FAM83E: variants seen among roughly 807,000 people sequenced by gnomAD.
FAM83E encodes protein FAM83E.
In FAM83E, 29 loss-of-function variants were observed where a neutral mutation model predicts 34.3. The ratio of observed to expected loss-of-function variants is 0.85; its 90% CI spans 0.63 to 1.15. FAM83E has a LOEUF of 1.15. Among genes scored for constraint, FAM83E ranks in the 50% most tolerant of loss-of-function variants. The pLI is 0.00. For missense variants in FAM83E, 697 were observed against 685.0 expected (o/e 1.02, Z -0.20); for synonymous variants, 312 against 311.6 (o/e 1.00, Z -0.01).
intron 6 of FAM83E, among the ~76,000 whole-genome samples, chr19:48,602,825 TTTATTATTA>T (rs201384936): frequency 0.011 from 1,308 of 113,944 alleles, 20 homozygotes; most frequent in South Asian, 0.018. Context: ...TTATTTATTG[TTTATTATTA>T]TTATTATTAT....
rs769617636 is a variant in FAM83E, at chr19:48,603,659, G to A, written c.1011C>T (p.Ala337=). 1.8e-5 allele frequency: 23 copies of A among 1,312,722 alleles called. No homozygotes were observed. Among genetic ancestry groups the A allele is most frequent in the East Asian group, 6.0e-5 (2 of 33,206 alleles). The allele number at this position is 1,312,722 out of a possible 1,614,324, so 81.3% of individuals were successfully genotyped here. A position where few individuals can be genotyped will look rare whatever the true frequency, so the allele number is the denominator to read the frequency against. The part of the protein sequence containing the change: ...PPDGPLAHRL[A]ACRVSPATPG... ...GGGTAGCAGGGGAGACGCGGCAGGC[G>A]GCCAGGCGGTGGGCCAGCGGGCCGT... The change falls in exon 6 of 7, where the codon GCC becomes GCT. Residue 337 remains alanine (A), a synonymous_variant. Transcript: ENST00000263266.
chr19:48,608,313 A>G (rs1401674051), intron 5 of FAM83E, among the ~76,000 whole-genome samples: 2 of 150,280 alleles, frequency 1.3e-5, no homozygotes, highest in African/African-American at 2.5e-5. Flanking sequence ...GGGTCCTGCT[A>G]TGTTGCCCAG....
chr19:48,613,213 C>A lies in FAM83E; in HGVS notation c.160G>T (p.Glu54Ter), dbSNP rs1292088606. 1.2e-6 allele frequency: 2 copies of A among 1,611,048 alleles called. No homozygotes were observed. Among genetic ancestry groups the A allele is most frequent in the Non-Finnish European group, 1.7e-6 (2 of 1,179,936 alleles). The change falls in exon 3 of 7, where the codon GAG becomes TAG. Residue 54 changes from glutamate to a stop codon, truncating the protein, a stop_gained. Coordinates refer to ENST00000263266, the MANE Select transcript of FAM83E (RefSeq NM_017708.4). LOFTEE classifies it high-confidence loss of function. Reference protein sequence around the residue: ...EAFQTCVQREELWPFLSADEV... With the variant: ...EAFQTCVQRE ...TCCGCACTGAGGAAGGGCCACAGCT[C>A]CTCGCGCTGCACGCAGGTCTGGAAC...
rs1461172374 is a variant in FAM83E, at chr19:48,603,838, T to C, written c.832A>G (p.Ser278Gly). Residue 278 changes from serine to glycine, a missense_variant, in exon 6 of 7, where the codon AGC becomes GGC. Coordinates refer to ENST00000263266, the MANE Select transcript of FAM83E (RefSeq NM_017708.4). ...GCGTACAGCGTCCGGAACTCAAGGCTGAAGGCGTCAACAATTTCACCAGTC... is the reference window on the plus strand; with the variant it reads ...GCGTACAGCGTCCGGAACTCAAGGCCGAAGGCGTCAACAATTTCACCAGTC... ...LLTGEIVDAF[S>G]LEFRTLYAAS... is the part of the protein sequence containing the mutation. The C allele has an allele frequency of 6.2e-7, 1 of 1,609,060 alleles. No homozygotes were observed.
At chr19:48,609,729 C>T (rs1404884877) in intron 5 of FAM83E, 147 bp downstream of exon 5, 3 of 916,094 alleles carry the variant, frequency 3.3e-6, no homozygotes, top group African/African-American at 1.6e-5. Flanking sequence ...CGGCACCAAC[C>T]TCCTCCGCAG....
At position 48,603,731 on chromosome 19, in the gene FAM83E, G is replaced by A. The variant is rs776785961; in HGVS notation, c.939C>T (p.Arg313=). The change falls in exon 6 of 7, where the codon CGC becomes CGT. Residue 313 remains arginine, a synonymous_variant. Transcript: ENST00000263266. Reference sequence around the variant, plus strand: ...GGGCCACGGAGCGGCGGCGGGACACGCGGTGCGGGCTGCGGCCCCGCTGCA... The same window carrying A: ...GGGCCACGGAGCGGCGGCGGGACACACGGTGCGGGCTGCGGCCCCGCTGCA... ...GGLQRGRSPH[R]VSRRRSVAPA... The A allele has an allele frequency of 3.3e-5, 49 of 1,487,144 alleles. No homozygotes were observed. Among genetic ancestry groups the A allele is most frequent in the Middle Eastern group, 2.3e-4 (1 of 4,326 alleles). 92.1% of individuals were successfully genotyped at this position (1,487,144 alleles called of 1,614,324 possible).
In FAM83E at chr19:48,613,850, C is replaced by G. The variant is rs1211205781; in HGVS notation, c.-478G>C. The G allele has an allele frequency of 1.0e-6, 1 of 985,302 alleles. No individual in the cohort carries two copies. The highest frequency in any genetic ancestry group is 6.1e-5 in the Admixed American group (1 of 16,262). 61.0% of individuals were successfully genotyped at this position (985,302 alleles called of 1,614,324 possible). A position where few individuals can be genotyped will look rare whatever the true frequency, so the allele number is the denominator to read the frequency against. ...TGACCACTTGATCATTTCCAGGCGG[C>G]AAGCTGCCTGCCTGTCTCTAATCAC... On this transcript the variant is annotated 5_prime_UTR_variant, in exon 3 of 7. Coordinates refer to ENST00000263266, the MANE Select transcript of FAM83E (RefSeq NM_017708.4).
At chr19:48,608,133 A>T (rs1973969582) in intron 5 of FAM83E, among the ~76,000 whole-genome samples, 1 of 151,790 alleles carries the variant, frequency 6.6e-6, no homozygotes, top group Non-Finnish European at 1.5e-5. Flanking sequence ...TTTTTGAAAC[A>T]GGGTTTTGCT....
intron 3 of FAM83E, 22 bp downstream of exon 3, chr19:48,612,886 A>G: frequency 6.6e-7 from 1 of 1,509,418 alleles, no homozygotes; most frequent in Non-Finnish European, 8.9e-7. Flanking sequence ...GTGAATGGAC[A>G]CAGGGCCCCC....
Position 48,613,982 on chromosome 19 carries a change from T to C in FAM83E, c.-610A>G, listed in dbSNP as rs1357221949. 1.0e-6 allele frequency: 1 copy of C among 985,306 alleles called. No homozygotes were observed. Among genetic ancestry groups the C allele is most frequent in the East Asian group, 1.1e-4 (1 of 8,818 alleles). 61.0% of individuals were successfully genotyped at this position (985,306 alleles called of 1,614,324 possible). ...CTGGCAAACGCCAATGGCTTCCGAC[T>C]GACAGTCACAGTATCTGCCTGTTGG... On this transcript the variant is annotated 5_prime_UTR_variant, in exon 3 of 7. Transcript: ENST00000263266.
At chr19:48,607,110 C>T (rs745713543) in intron 5 of FAM83E, 20 of 1,613,060 alleles carry the variant, frequency 1.2e-5, no homozygotes, top group South Asian at 5.5e-5. Context: ...GTGGCGATGA[C>T]GAGGACTGCT....
At position 48,613,374 on chromosome 19, in the gene FAM83E, G is replaced by A. The variant is rs756307968; in HGVS notation, c.-2C>T. 3.1e-5 allele frequency: 48 copies of A among 1,543,860 alleles called. No individual in the cohort carries two copies. The South Asian group carries it at 4.1e-4, about 13-fold the overall frequency. ...CGCCGCCAGCTGGGAGGCCGCCATCGGGGTCACTCGGGTGGGAGGACTGAC... is the reference window on the plus strand; with the variant it reads ...CGCCGCCAGCTGGGAGGCCGCCATCAGGGTCACTCGGGTGGGAGGACTGAC... On this transcript the variant is annotated 5_prime_UTR_variant, in exon 3 of 7. Coordinates refer to ENST00000263266, the MANE Select transcript of FAM83E (RefSeq NM_017708.4).
chr19:48,609,850 G>C (rs1174723467), intron 5 of FAM83E, 26 bp downstream of exon 5: 2 of 1,610,288 alleles, frequency 1.2e-6, no homozygotes, highest in Non-Finnish European at 1.7e-6. Flanking sequence ...GACGCCGGGA[G>C]GTGGGGGGCG....
rs1974112005 is a variant in FAM83E, at chr19:48,614,645, G to C, written c.-1255-18C>G. On this transcript the variant is annotated intron_variant, in intron 2 of 6. Coordinates refer to ENST00000263266, the MANE Select transcript of FAM83E (RefSeq NM_017708.4). ...GCAGGGAGCTGCAAAGAGAAGAAAG[G>C]AGTCAAGGCAGGCCAGCCTCCCCGC... 3 of 983,576 alleles carry C rather than the reference G, an allele frequency of 3.1e-6. No individual in the cohort carries two copies. The highest frequency in any genetic ancestry group is 3.5e-5 in the African/African-American group (2 of 57,356). The allele number at this position is 983,576 out of a possible 1,614,324, so 60.9% of individuals were successfully genotyped here.
chr19:48,612,664 A>C (rs1321469002), intron 3 of FAM83E, among the ~76,000 whole-genome samples: 2 of 81,370 alleles, frequency 2.5e-5, no homozygotes, highest in African/African-American at 1.0e-4. Flanking sequence ...GGCCTCCCAA[A>C]GTGCTGGAAT....
chr19:48,609,819 C>G, intron 5 of FAM83E, 57 bp downstream of exon 5: 1 of 1,579,516 alleles, frequency 6.3e-7, no homozygotes, highest in Non-Finnish European at 8.7e-7. Flanking sequence ...TCTGAGCACA[C>G]TGAGGGAAAG....
chr19:48,600,015 A>G lies in FAM83E; in HGVS notation c.*1094T>C, dbSNP rs1973786453. 6.6e-6 allele frequency among the ~76,000 whole-genome samples: 1 copy of G among 152,028 alleles called. No homozygotes were observed. Among genetic ancestry groups the G allele is most frequent in the African/African-American group, 2.4e-5 (1 of 41,386 alleles). Reference sequence around the variant, plus strand: ...CAGAGGTAAACGGGAGCTCCGGCAGACCCGCCCTCTCAGCGCCCACAGAAA... The same window carrying G: ...CAGAGGTAAACGGGAGCTCCGGCAGGCCCGCCCTCTCAGCGCCCACAGAAA... On this transcript the variant is annotated 3_prime_UTR_variant, in exon 7 of 7. Coordinates refer to ENST00000263266, the MANE Select transcript of FAM83E (RefSeq NM_017708.4).
In FAM83E at chr19:48,613,895, C is replaced by T. The variant is rs552946504; in HGVS notation, c.-523G>A. The T allele has an allele frequency of 9.1e-4, 893 of 985,406 alleles. 3 individuals carry two copies. In the African/African-American group the frequency reaches 9.6e-3, roughly 11 times the overall value. The allele number at this position is 985,406 out of a possible 1,614,324, so 61.0% of individuals were successfully genotyped here. A position where few individuals can be genotyped will look rare whatever the true frequency, so the allele number is the denominator to read the frequency against. ...AATCACCCAAAGGTCCTTAAAGGCA[C>T]GACAGGTTGCCTGCCTGCCCCCGGC... is the stretch of plus-strand genomic sequence containing the variant. On this transcript the variant is annotated 5_prime_UTR_variant, in exon 3 of 7. In the 5' UTR this introduces an upstream ATG that the reference lacks. Coordinates refer to ENST00000263266, the MANE Select transcript of FAM83E (RefSeq NM_017708.4).
chr19:48,614,661 G>A (rs757254470), intron 2 of FAM83E, 34 bp from the exon 3 acceptor site: 27 of 966,518 alleles, frequency 2.8e-5, no homozygotes, highest in Middle Eastern at 1.0e-3. Flanking sequence ...AGGCAGGCCA[G>A]CCTCCCCGCC....
Sources: gnomAD v4.1 joint callset for allele counts (sites outside exome capture counted in the v4.1 genomes callset) on GRCh38, gnomAD v4.1.1 for gene constraint, MANE v1.5 for transcripts, NCBI Gene and HGNC (gene_info 2026-07-23, HGNC 2026-07-21) for gene names.